The following NOA1 variants were observed in gnomAD, a reference collection of about 807,000 sequenced individuals.
The protein encoded by NOA1 is nitric oxide-associated protein 1.
A neutral mutation model predicts 58.4 loss-of-function variants in NOA1; 35 were observed. The observed-to-expected ratio is 0.60, with a 90% confidence interval of 0.46 to 0.79. NOA1 has a LOEUF of 0.79. NOA1 is among the 30% of genes least tolerant of loss of function. The pLI is 0.00. For missense variants in NOA1, 895 were observed against 894.6 expected, an observed-to-expected ratio of 1.00 and a Z score of -0.01; for synonymous variants, 397 against 373.4, an observed-to-expected ratio of 1.06 and a Z score of -0.73.
At chr4:56,974,866 TA>T (rs1721872680) in intron 1 of NOA1, among the ~76,000 whole-genome samples, 1 of 150,272 alleles carries the variant, frequency 6.7e-6, no homozygotes, top group Non-Finnish European at 1.5e-5. Flanking sequence ...CAAACCCGGC[TA>T]AGTTTTGTAT....
At chr4:56,964,373 T>C in intron 6 of NOA1, 33 bp downstream of exon 6, 1 of 1,613,274 alleles carries the variant, frequency 6.2e-7, no homozygotes, top group Non-Finnish European at 8.5e-7. Context: ...GCCCTTTTAT[T>C]CACTTTTTAA....
chr4:56,976,747 G>A lies in NOA1; in HGVS notation c.839C>T (p.Ala280Val). The change falls in exon 1 of 7, where the codon GCC becomes GTC. Residue 280 changes from alanine to valine, a missense_variant. By Grantham distance (64) the Ala-to-Val change is moderately conservative. Transcript: ENST00000264230. ...EDCARAGLLL[A>V]PGHQGPQRPV... ...GCGCTGTGGCCCTTGGTGGCCAGGG[G>A]CCAGCAGGAGCCCGGCGCGGGCACA... 5 of 1,610,556 alleles carry A rather than the reference G, an allele frequency of 3.1e-6. No individual in the cohort carries two copies. Among genetic ancestry groups the A allele is most frequent in the Non-Finnish European group, 4.2e-6 (5 of 1,178,098 alleles).
At chr4:56,973,717 T>TAAAA in intron 2 of NOA1, 141 bp downstream of exon 2, 1 of 807,746 alleles carries the variant, frequency 1.2e-6, no homozygotes, top group East Asian at 2.5e-5. Context: ...GCCTTATCGC[T>TAAAA]AAAGGGCCTC....
Position 56,963,513 on chromosome 4 carries a change from T to C in NOA1, c.2034A>G (p.Lys678=). Residue 678 remains lysine, a synonymous_variant, in exon 7 of 7, where the codon AAA becomes AAG. Coordinates refer to ENST00000264230, the MANE Select transcript of NOA1 (RefSeq NM_032313.4). ...ACATAAGGGAAGGAGGCTTCTTGGTTTTATAGGCCACACTTTTCTTGATGC... is the reference window on the plus strand; with the variant it reads ...ACATAAGGGAAGGAGGCTTCTTGGTCTTATAGGCCACACTTTTCTTGATGC... ...GQRIKKSVAY[K]TKKPPSLMYN... is the part of the protein sequence containing the mutation. 1 of 1,614,092 alleles carries C rather than the reference T, an allele frequency of 6.2e-7. No homozygotes were observed. The highest frequency in any genetic ancestry group is 8.5e-7 in the Non-Finnish European group (1 of 1,180,010).
chr4:56,964,492 A>G lies in NOA1; in HGVS notation c.1799T>C (p.Phe600Ser), dbSNP rs1322975348. 6.2e-7 allele frequency: 1 copy of G among 1,614,160 alleles called. No individual in the cohort carries two copies. Among genetic ancestry groups the G allele is most frequent in the South Asian group, 1.1e-5 (1 of 91,080 alleles). The change falls in exon 6 of 7, where the codon TTT (phenylalanine) becomes TCT (serine). Residue 600 changes from phenylalanine (F) to serine (S), a missense_variant. Around this residue, in one of 3 missense-constraint regions of NOA1, gnomAD observed 212 missense variants for 221.3 expected, o/e 0.96. Coordinates refer to ENST00000264230, the MANE Select transcript of NOA1 (RefSeq NM_032313.4). ...PMGGKERMAGFPPLVAEDIML... is the reference protein window; with the variant it reads ...PMGGKERMAGSPPLVAEDIML... ...AATGTCTTCAGCAACAAGAGGAGGA[A>G]ATCCTGCCATTCGTTCTTTTCCACC...
rs763872294 is a variant in NOA1 at position 56,977,580 on chromosome 4, C to T, written c.6G>A (p.Leu2=). Residue 2 remains leucine, a synonymous_variant, in exon 1 of 7, where the codon CTG becomes CTA. Transcript: ENST00000264230. M[L]PARLPFRLLS... Reference sequence around the variant, plus strand: ...GCAGCCTGAACGGTAGGCGAGCGGGCAGCATGAGGAAGTAGCTCCAAAGGG... The same window carrying T: ...GCAGCCTGAACGGTAGGCGAGCGGGTAGCATGAGGAAGTAGCTCCAAAGGG... The T allele has an allele frequency of 3.5e-5, 56 of 1,581,266 alleles. No individual in the cohort carries two copies. Among genetic ancestry groups the T allele is most frequent in the Non-Finnish European group, 4.7e-5 (55 of 1,162,572 alleles).
At chr4:56,967,349 C>T (rs1477764373) in intron 4 of NOA1, among the ~76,000 whole-genome samples, 1 of 150,222 alleles carries the variant, frequency 6.7e-6, no homozygotes, top group Admixed American at 6.7e-5. Flanking sequence ...CACTGCACTC[C>T]AGTCTGGGCA....
Position 56,976,612 on chromosome 4 carries a change from T to C in NOA1, c.974A>G (p.Glu325Gly). The C allele has an allele frequency of 6.2e-7, 1 of 1,614,196 alleles. No homozygotes were observed. Among genetic ancestry groups the C allele is most frequent in the South Asian group, 1.1e-5 (1 of 91,086 alleles). The change falls in exon 1 of 7, where the codon GAA (glutamate) becomes GGA (glycine). Residue 325 changes from glutamate to glycine, a missense_variant. By Grantham distance (98) the Glu-to-Gly change is moderately conservative. Transcript: ENST00000264230. ...LISAKTGYGV[E>G]ELISALQRSW... The stretch of plus-strand genomic sequence containing the variant: ...GCGCTGAAGGGCAGAGATCAACTCT[T>C]CCACTCCATAGCCGGTCTTGGCGCT...
intron 1 of NOA1, among the ~76,000 whole-genome samples, chr4:56,975,246 C>A (rs1721882370): frequency 6.6e-6 from 1 of 150,654 alleles, no homozygotes; most frequent in African/African-American, 2.4e-5. Context: ...TGGTCCTGAA[C>A]TCCTGAGCTC....
At chr4:56,969,887 TCTC>T (rs1560464289) in intron 3 of NOA1, among the ~76,000 whole-genome samples, 1 of 151,980 alleles carries the variant, frequency 6.6e-6, no homozygotes, top group Non-Finnish European at 1.5e-5. Context: ...TTCAAGCAAT[TCTC>T]CTGTCTCAGT....
Position 56,977,040 on chromosome 4 carries a change from GCAGCGCTGGCACACGGTCCGTGC to G in NOA1, c.523_545del (p.Ala175LeufsTer174), listed in dbSNP as rs894735094. On this transcript the variant is annotated frameshift_variant, in exon 1 of 7. Coordinates refer to ENST00000264230, the MANE Select transcript of NOA1 (RefSeq NM_032313.4). LOFTEE classifies it high-confidence loss of function. ...CGCGCCGGTGGTGCGACAGCAGCCAGCAGCGCTGGCACACGGTCCGTGCCAGCCCGCCGTCTGCCTCCGCCGTG... is the reference window on the plus strand; with the variant it reads ...CGCGCCGGTGGTGCGACAGCAGCCAGCAGCCCGCCGTCTGCCTCCGCCGTG... 2 of 1,584,968 alleles carry G rather than the reference GCAGCGCTGGCACACGGTCCGTGC, an allele frequency of 1.3e-6. No individual in the cohort carries two copies. Among genetic ancestry groups the G allele is most frequent in the African/African-American group, 2.7e-5 (2 of 74,630 alleles).
chr4:56,974,520 G>C (rs1721863372), intron 1 of NOA1, among the ~76,000 whole-genome samples: 1 of 151,962 alleles, frequency 6.6e-6, no homozygotes, highest in Admixed American at 6.6e-5. Context: ...GGGTGTGGTG[G>C]TGCACACTTG....
intron 2 of NOA1, 140 bp downstream of exon 2, chr4:56,973,718 A>G: frequency 1.2e-6 from 1 of 802,196 alleles, no homozygotes; most frequent in East Asian, 2.5e-5. Flanking sequence ...CCTTATCGCT[A>G]AAGGGCCTCT....
chr4:56,964,072 G>GTT (rs983100761), intron 6 of NOA1, among the ~76,000 whole-genome samples: 13 of 141,860 alleles, frequency 9.2e-5, no homozygotes, highest in African/African-American at 2.3e-4. Flanking sequence ...TTCACTTTTT[G>GTT]TTTTTTTTTT....
intron 3 of NOA1, 119 bp from the exon 4 acceptor site, chr4:56,968,634 T>C: frequency 1.3e-6 from 1 of 783,894 alleles, no homozygotes. Context: ...TAAACCAAAT[T>C]ATGTCAGAGT....
intron 4 of NOA1, among the ~76,000 whole-genome samples, chr4:56,967,268 T>A (rs1000691560): frequency 6.6e-6 from 1 of 151,686 alleles, no homozygotes; most frequent in African/African-American, 2.4e-5. Context: ...TAGTCCCGAC[T>A]ACTTGCGGGG....
rs193125372 is a variant in NOA1 at position 56,966,569 on chromosome 4, C to T, written c.1764+51G>A. Reference sequence around the variant, plus strand: ...GGCTTTCTTAACAGAGCTATGGGACCATCCCAGTGTATACTAACCATAACC... The same window carrying T: ...GGCTTTCTTAACAGAGCTATGGGACTATCCCAGTGTATACTAACCATAACC... On this transcript the variant is annotated intron_variant, in intron 5 of 6. Transcript: ENST00000264230. 1.4e-4 allele frequency: 144 copies of T among 1,064,138 alleles called. No homozygotes were observed. The African/African-American group carries it at 2.2e-3, about 16-fold the overall frequency. The allele number at this position is 1,064,138 out of a possible 1,614,324, so 65.9% of individuals were successfully genotyped here.
intron 3 of NOA1, among the ~76,000 whole-genome samples, chr4:56,970,004 G>A (rs1375449243): frequency 2.6e-5 from 4 of 151,962 alleles, no homozygotes; most frequent in Non-Finnish European, 2.9e-5. Flanking sequence ...GGCTGGTCTC[G>A]AACTCCTGAC....
chr4:56,963,805 G>A (rs571728735), intron 6 of NOA1, 144 bp from the exon 7 acceptor site: 13 of 629,684 alleles, frequency 2.1e-5, no homozygotes, highest in African/African-American at 1.3e-4. Context: ...AAGAAACTGC[G>A]TCTTGCTATG....
Sources: allele counts gnomAD v4.1 joint callset (sites outside exome capture counted in the v4.1 genomes callset), GRCh38; gene constraint gnomAD v4.1.1; regional missense constraint gnomAD v4.1.1; transcripts MANE v1.5; gene names NCBI Gene and HGNC (gene_info 2026-07-23, HGNC 2026-07-21).